The following CNBD1 variants were observed in gnomAD, a reference collection of about 807,000 sequenced individuals.
CNBD1 encodes cyclic nucleotide-binding domain-containing protein 1.
In CNBD1, 71 loss-of-function variants were observed where a neutral mutation model predicts 54.4. The observed-to-expected ratio is 1.30, with a 90% CI of 1.08 to 1.59. The LOEUF (loss-of-function observed/expected upper bound fraction) is 1.59. Ranked by LOEUF, CNBD1 falls within the 40% of genes most tolerant of loss-of-function variation. The probability of loss-of-function intolerance (pLI) is 0.00; values close to 1 mark genes in which losing one functional copy is unlikely to be tolerated. For synonymous variants in CNBD1, 182 were observed against 170.7 expected (o/e 1.07, Z -0.51); for missense variants, 659 against 518.0 (o/e 1.27, Z -2.64).
intron 10 of CNBD1, among the ~76,000 whole-genome samples, chr8:87,362,008 T>C (rs1810533386): frequency 6.6e-6 from 1 of 152,098 alleles, no homozygotes; most frequent in Non-Finnish European, 1.5e-5. Flanking sequence ...CTGGCTTCTT[T>C]GTTTAAGAAT....
At chr8:86,959,331 A>AGTT (rs1439783664) in intron 4 of CNBD1, among the ~76,000 whole-genome samples, 1 of 151,892 alleles carries the variant, frequency 6.6e-6, no homozygotes, top group Admixed American at 6.6e-5. Context: ...TATGTCTTGG[A>AGTT]GTTGTTCTTC....
chr8:87,369,620 T>A (rs534624819), intron 10 of CNBD1, among the ~76,000 whole-genome samples: 3 of 152,168 alleles, frequency 2.0e-5, no homozygotes, highest in African/African-American at 7.2e-5. Context: ...ACTTTGAGCA[T>A]GTTATTCCTC....
At chr8:87,013,025 TG>T (rs1349278610) in intron 4 of CNBD1, among the ~76,000 whole-genome samples, 1 of 152,208 alleles carries the variant, frequency 6.6e-6, no homozygotes, top group Non-Finnish European at 1.5e-5. Context: ...TGACTCTTTT[TG>T]TCAACAATAT....
chr8:87,396,304 C>G (rs1280771862), intron 2 of CNBD1, among the ~76,000 whole-genome samples: 3 of 151,900 alleles, frequency 2.0e-5, no homozygotes, highest in Non-Finnish European at 4.4e-5. Context: ...TAGCAATTAA[C>G]TTTTTCCCAA....
intron 4 of CNBD1, among the ~76,000 whole-genome samples, chr8:87,129,725 A>C (rs1292227462): frequency 6.6e-6 from 1 of 152,008 alleles, no homozygotes; most frequent in Non-Finnish European, 1.5e-5. Flanking sequence ...TCCATAATTT[A>C]GGTTATGTTG....
At chr8:87,393,792 C>G (rs1219024012) in intron 2 of CNBD1, among the ~76,000 whole-genome samples, 9 of 151,744 alleles carry the variant, frequency 5.9e-5, no homozygotes. Context: ...GAGACTTCTT[C>G]TAGGCTTCAA....
At chr8:87,335,718 T>C (rs1177452223) in intron 8 of CNBD1, among the ~76,000 whole-genome samples, 4 of 152,194 alleles carry the variant, frequency 2.6e-5, no homozygotes, top group Non-Finnish European at 4.4e-5. Context: ...AAGGTTAATA[T>C]GGTTATGTGT....
intron 8 of CNBD1, among the ~76,000 whole-genome samples, chr8:87,304,978 G>T (rs1174784469): frequency 1.3e-5 from 2 of 152,044 alleles, no homozygotes; most frequent in Non-Finnish European, 2.9e-5. Context: ...GCCACTGTTT[G>T]CTAACAAGAT....
intron 5 of CNBD1, among the ~76,000 whole-genome samples, chr8:87,223,861 G>C (rs1337078889): frequency 6.6e-6 from 1 of 152,104 alleles, no homozygotes; most frequent in Non-Finnish European, 1.5e-5. Context: ...CCCACCAACA[G>C]TGTAAAAGTG....
At chr8:87,056,693 A>C (rs1320025199) in intron 4 of CNBD1, among the ~76,000 whole-genome samples, 2 of 152,124 alleles carry the variant, frequency 1.3e-5, no homozygotes, top group African/African-American at 2.4e-5. Context: ...TATTTTAAAG[A>C]GATAAAATTA....
At chr8:87,350,619 A>T (rs998194978) in intron 8 of CNBD1, among the ~76,000 whole-genome samples, 5 of 151,874 alleles carry the variant, frequency 3.3e-5, no homozygotes, top group Non-Finnish European at 7.4e-5. Context: ...TTTATGCTAG[A>T]AAACAAATAG....
At chr8:87,371,303 A>G (rs930344622) in intron 10 of CNBD1, among the ~76,000 whole-genome samples, 2 of 151,932 alleles carry the variant, frequency 1.3e-5, no homozygotes, top group Admixed American at 1.3e-4. Flanking sequence ...CATTGAATCT[A>G]TAAATTACCT....
chr8:87,112,290 C>T (rs1586264525), intron 4 of CNBD1, among the ~76,000 whole-genome samples: 1 of 152,132 alleles, frequency 6.6e-6, no homozygotes, highest in Admixed American at 6.5e-5. Flanking sequence ...TGGGATAGTG[C>T]CCTGTTTTTG....
intron 5 of CNBD1, among the ~76,000 whole-genome samples, chr8:87,211,144 TC>T (rs1204044591): frequency 6.6e-6 from 1 of 152,222 alleles, no homozygotes; most frequent in Non-Finnish European, 1.5e-5. Context: ...TTGCTGGGCT[TC>T]AGATTTGCTT....
chr8:87,415,193 A>T (rs915583877), intron 2 of CNBD1, among the ~76,000 whole-genome samples: 8 of 152,032 alleles, frequency 5.3e-5, no homozygotes, highest in Admixed American at 5.3e-4. Flanking sequence ...TTTTCCCTGT[A>T]GTCGTTGTTC....
At chr8:87,316,192 C>A (rs1457757657) in intron 8 of CNBD1, among the ~76,000 whole-genome samples, 1 of 151,740 alleles carries the variant, frequency 6.6e-6, no homozygotes, top group Non-Finnish European at 1.5e-5. Context: ...TTGTTGCATA[C>A]ATAAAAAAGA....
At chr8:87,216,376 A>G (rs902927332) in intron 5 of CNBD1, among the ~76,000 whole-genome samples, 1 of 152,204 alleles carries the variant, frequency 6.6e-6, no homozygotes, top group Non-Finnish European at 1.5e-5. Context: ...ATGCCACCAT[A>G]CATTGAATAT....
chr8:86,948,100 C>T lies in CNBD1; in HGVS notation c.431+8346C>T, dbSNP rs906610638. ...TGCAAATAACAGGATCTCATTATTA[C>T]GTATGGATGAATGGTACTCCATTGT... is the stretch of plus-strand genomic sequence containing the variant. On this transcript the variant is annotated intron_variant, in intron 4 of 10. Coordinates refer to ENST00000518476, the MANE Select transcript of CNBD1 (RefSeq NM_173538.3). 2.1e-4 allele frequency among the ~76,000 whole-genome samples: 32 copies of T among 152,138 alleles called. 1 individual carries two copies. Among genetic ancestry groups the T allele is most frequent in the Admixed American group, 2.0e-3 (30 of 15,272 alleles).
intron 4 of CNBD1, among the ~76,000 whole-genome samples, chr8:86,964,813 C>G (rs543079038): frequency 1.3e-5 from 2 of 152,168 alleles, no homozygotes; most frequent in African/African-American, 2.4e-5. Context: ...CCCTTGCAGC[C>G]TCTCCTGAGA....
Sources: allele counts gnomAD v4.1 joint callset (sites outside exome capture counted in the v4.1 genomes callset), GRCh38; gene constraint gnomAD v4.1.1; transcripts MANE v1.5; gene names NCBI Gene and HGNC (gene_info 2026-07-23, HGNC 2026-07-21).